The following PDXDC1 variants were observed in gnomAD, a reference collection of about 807,000 sequenced individuals.
PDXDC1 encodes the protein pyridoxal dependent decarboxylase domain containing 1, also known as pyridoxal-dependent decarboxylase domain-containing protein 1.
A neutral mutation model predicts 100.1 loss-of-function variants in PDXDC1; 42 were observed. The observed-to-expected ratio is 0.42, with a 90% confidence interval of 0.33 to 0.54. PDXDC1 has a LOEUF of 0.54. Ranked by LOEUF, PDXDC1 falls within the 20% of genes least tolerant of loss-of-function variation. PDXDC1 has a pLI of 0.10. For synonymous variants in PDXDC1, 260 were observed against 371.7 expected (o/e 0.70, Z 3.46); for missense variants, 636 against 979.2 (o/e 0.65, Z 4.68).
In PDXDC1 at chr16:15,037,970, T is replaced by C; in HGVS notation, c.*1695T>C. ...GATGTAGGATCCAGATCTGGATTCG[T>C]GCCAGCCCCACCAATGGTCTGTCAG... On this transcript the variant is annotated 3_prime_UTR_variant, in exon 23 of 23. Transcript: ENST00000396410. The C allele has an allele frequency of 7.7e-7, 1 of 1,290,650 alleles. No individual in the cohort carries two copies. The highest frequency in any genetic ancestry group is 1.1e-6 in the Non-Finnish European group (1 of 902,696). The allele number at this position is 1,290,650 out of a possible 1,614,324, so 79.9% of individuals were successfully genotyped here.
chr16:15,144,180 G>A (rs1432941935), downstream of PDXDC1, among the ~76,000 whole-genome samples: 1 of 152,182 alleles, frequency 6.6e-6, no homozygotes, highest in South Asian at 2.1e-4. Context: ...AGGAAATGGG[G>A]TGCAGTGTGG....
chr16:15,056,447 G>A (rs2044526374), intron 16 of PDXDC1, among the ~76,000 whole-genome samples: 1 of 152,220 alleles, frequency 6.6e-6, no homozygotes, highest in Non-Finnish European at 1.5e-5. Context: ...GGACCCTGCT[G>A]TGCAGCTCCG....
Position 15,079,768 on chromosome 16 carries a change from T to C in PDXDC1, c.1399+49712T>C, listed in dbSNP as rs533877770. On this transcript the variant is annotated intron_variant, in intron 16 of 16. Coordinates refer to the PDXDC1 transcript ENST00000535621. ...CCATCATGCCTGGCTAATTTTTTAT[T>C]TGTATTTTTATAGAGACGGGGTTTC... Among the ~76,000 whole-genome samples, 6 of 152,262 alleles carry C rather than the reference T, an allele frequency of 3.9e-5. No individual in the cohort carries two copies. The South Asian group carries it at 1.2e-3, about 32-fold the overall frequency.
chr16:14,982,252 T>G (rs1968162277), intron 1 of PDXDC1, among the ~76,000 whole-genome samples: 2 of 152,312 alleles, frequency 1.3e-5, no homozygotes, highest in African/African-American at 4.8e-5. Flanking sequence ...CTTCATATTC[T>G]CACAGACACA....
intron 1 of PDXDC1, chr16:14,990,071 C>T (rs1426626503): frequency 4.7e-6 from 7 of 1,494,316 alleles, no homozygotes; most frequent in African/African-American, 4.4e-5. Context: ...ACAGAAGCAG[C>T]AGTAGGAGGC....
chr16:15,137,685 C>T (rs2048393462), intron 16 of PDXDC1: 3 of 1,134,934 alleles, frequency 2.6e-6, no homozygotes, highest in Admixed American at 2.0e-5. Flanking sequence ...GAGCCCTGCC[C>T]AGTGTCTGCA....
chr16:15,095,861 G>GT (rs1555465769), intron 16 of PDXDC1, among the ~76,000 whole-genome samples: 19 of 134,392 alleles, frequency 1.4e-4, no homozygotes, highest in Non-Finnish European at 1.7e-4. Flanking sequence ...AAAAAAAAAA[G>GT]GTGTGTGTGT....
At chr16:15,080,485 C>A (rs576162355) in intron 16 of PDXDC1, among the ~76,000 whole-genome samples, 1 of 152,132 alleles carries the variant, frequency 6.6e-6, no homozygotes, top group African/African-American at 2.4e-5. Flanking sequence ...CTCAGGATGG[C>A]GTACAGTGGT....
chr16:15,090,442 T>C (rs2046085912), intron 16 of PDXDC1, among the ~76,000 whole-genome samples: 1 of 152,214 alleles, frequency 6.6e-6, no homozygotes, highest in Non-Finnish European at 1.5e-5. Context: ...ATTTCCATGT[T>C]TAAAGCCAGG....
intron 16 of PDXDC1, chr16:15,048,006 G>C: frequency 6.2e-7 from 1 of 1,611,202 alleles, no homozygotes; most frequent in Non-Finnish European, 8.5e-7. Context: ...CCATCCTTTG[G>C]GGAGGTCACT....
At chr16:15,040,991 G>T, downstream of PDXDC1, 1 of 965,532 alleles carries the variant, frequency 1.0e-6, no homozygotes, top group Non-Finnish European at 1.7e-6. Flanking sequence ...CAGCAGTGGG[G>T]TCATTGGTTT....
intron 4 of PDXDC1, among the ~76,000 whole-genome samples, chr16:15,002,570 C>A (rs1172189482): frequency 2.6e-5 from 4 of 152,292 alleles, no homozygotes; most frequent in African/African-American, 9.6e-5. Flanking sequence ...TTATTGGTCC[C>A]CTGTCATGTT....
chr16:15,040,048 G>C (rs746422155), downstream of PDXDC1: 1 of 1,607,902 alleles, frequency 6.2e-7, no homozygotes, highest in South Asian at 1.1e-5. Context: ...GTAAATCTCT[G>C]CAGTCTTAAT....
At chr16:15,088,156 T>G (rs2045982716) in intron 16 of PDXDC1, among the ~76,000 whole-genome samples, 1 of 151,694 alleles carries the variant, frequency 6.6e-6, no homozygotes, top group African/African-American at 2.4e-5. Flanking sequence ...CAGACTTTGA[T>G]GCTTTAGTAC....
intron 16 of PDXDC1, among the ~76,000 whole-genome samples, chr16:15,046,454 T>C (rs2044067540): frequency 6.6e-6 from 1 of 152,112 alleles, no homozygotes; most frequent in Non-Finnish European, 1.5e-5. Flanking sequence ...AGCTCCTGTG[T>C]GCTCCAGCAC....
At chr16:15,009,903 A>C in intron 8 of PDXDC1, 144 bp downstream of exon 8, 5 of 1,473,618 alleles carry the variant, frequency 3.4e-6, no homozygotes, top group Non-Finnish European at 4.5e-6. Context: ...AAAAACTGTA[A>C]TAGTAAGGTT....
At chr16:14,988,859 C>G (rs1245327908) in intron 1 of PDXDC1, 1 of 1,613,860 alleles carries the variant, frequency 6.2e-7, no homozygotes, top group Non-Finnish European at 8.5e-7. Flanking sequence ...AGCCACTCTT[C>G]TGGAGGGTCA....
intron 1 of PDXDC1, among the ~76,000 whole-genome samples, chr16:14,985,874 A>T (rs1180235935): frequency 6.6e-6 from 1 of 152,286 alleles, no homozygotes; most frequent in Non-Finnish European, 1.5e-5. Context: ...AGGCAGGAGG[A>T]TTGCTCGTGA....
intron 16 of PDXDC1, among the ~76,000 whole-genome samples, chr16:15,043,627 A>G (rs2043922811): frequency 2.6e-5 from 2 of 77,504 alleles, no homozygotes; most frequent in African/African-American, 7.3e-5. Context: ...ACACACGACA[A>G]TGTTTTCTTT....
Sources: allele counts gnomAD v4.1 joint callset (sites outside exome capture counted in the v4.1 genomes callset), GRCh38; gene constraint gnomAD v4.1.1; transcripts MANE v1.5; gene names NCBI Gene and HGNC (gene_info 2026-07-23, HGNC 2026-07-21).